LRRC7: variants seen among roughly 807,000 people sequenced by gnomAD.
The protein encoded by LRRC7 is leucine rich repeat containing 7, also known as leucine-rich repeat-containing protein 7.
A neutral mutation model predicts 175.7 loss-of-function variants in LRRC7; 23 were observed. The ratio of observed to expected loss-of-function variants is 0.13; its 90% CI spans 0.09 to 0.19. The LOEUF (loss-of-function observed/expected upper bound fraction) is 0.19. Ranked by LOEUF, LRRC7 falls within the 10% of genes least tolerant of loss-of-function variation. LRRC7 has a pLI of 1.00. For missense variants in LRRC7, 1,354 were observed against 1,904.7 expected (o/e 0.71, Z 5.38); for synonymous variants, 685 against 680.9 (o/e 1.01, Z -0.09).
At chr1:69,824,510 G>A (rs753040094) in intron 4 of LRRC7, among the ~76,000 whole-genome samples, 4 of 151,968 alleles carry the variant, frequency 2.6e-5, no homozygotes, top group Non-Finnish European at 4.4e-5. Context: ...TTTTAGGACC[G>A]CATGATTTCT....
At chr1:69,593,653 G>A (rs1646726340) in intron 1 of LRRC7, among the ~76,000 whole-genome samples, 1 of 152,094 alleles carries the variant, frequency 6.6e-6, no homozygotes, top group Non-Finnish European at 1.5e-5. Context: ...ACAAAACACA[G>A]CAGTTTTCAT....
At chr1:69,671,893 T>A (rs1278409983) in intron 1 of LRRC7, among the ~76,000 whole-genome samples, 2 of 152,158 alleles carry the variant, frequency 1.3e-5, no homozygotes, top group African/African-American at 4.8e-5. Context: ...GGCAGAGTAA[T>A]GTTTGCAATT....
chr1:70,097,697 T>A (rs1664513675), intron 25 of LRRC7, among the ~76,000 whole-genome samples: 1 of 150,018 alleles, frequency 6.7e-6, no homozygotes, highest in Non-Finnish European at 1.5e-5. Flanking sequence ...CACCTATGAG[T>A]GAGAATATGC....
intron 3 of LRRC7, among the ~76,000 whole-genome samples, chr1:69,765,039 G>C (rs1671476468): frequency 6.6e-6 from 1 of 151,892 alleles, no homozygotes; most frequent in Non-Finnish European, 1.5e-5. Context: ...ACATTCCCTG[G>C]TCCATAAAAT....
At chr1:69,622,693 T>C (rs2764531) in intron 1 of LRRC7, among the ~76,000 whole-genome samples, 150,923 of 152,282 alleles carry the variant, frequency 0.99, 74,800 homozygotes, top group Middle Eastern at 1. Flanking sequence ...GGAATTTTTA[T>C]GGGACTCAAG....
chr1:70,072,429 C>T (rs544818240), intron 23 of LRRC7, among the ~76,000 whole-genome samples: 13 of 152,310 alleles, frequency 8.5e-5, no homozygotes, highest in African/African-American at 2.9e-4. Flanking sequence ...TTCCTCTTTA[C>T]AGTCCTTCTG....
chr1:69,791,981 A>T, intron 3 of LRRC7, 62 bp from the exon 4 acceptor site: 1 of 1,088,190 alleles, frequency 9.2e-7, no homozygotes, highest in Non-Finnish European at 1.4e-6. Context: ...TAATTTTGTT[A>T]CTGAGTTTAT....
chr1:69,572,577 G>T (rs1187600794), intron 1 of LRRC7, among the ~76,000 whole-genome samples: 1 of 152,052 alleles, frequency 6.6e-6, no homozygotes, highest in Admixed American at 6.5e-5. Flanking sequence ...ATGTGACTCA[G>T]GTTTGAATCA....
At chr1:69,698,910 C>T (rs191201382) in intron 2 of LRRC7, among the ~76,000 whole-genome samples, 6 of 152,278 alleles carry the variant, frequency 3.9e-5, no homozygotes, top group Admixed American at 3.9e-4. Context: ...CTCACCTTCC[C>T]ATCTGTAACT....
At chr1:70,109,824 A>C (rs1472790791) in intron 26 of LRRC7, among the ~76,000 whole-genome samples, 1 of 152,132 alleles carries the variant, frequency 6.6e-6, no homozygotes, top group Non-Finnish European at 1.5e-5. Context: ...GAAATGGCTA[A>C]TTTTTTTCTC....
rs143930610 is a variant in LRRC7, at chr1:70,133,683, A to G, written c.*11796A>G. ...CTAAACCTCTCAGATTGTATCAATC[A>G]CCCAAAACCTAATGAGACAGAAACC... On this transcript the variant is annotated 3_prime_UTR_variant, in exon 27 of 27. Coordinates refer to ENST00000651989, the MANE Select transcript of LRRC7 (RefSeq NM_001370785.2). Among the ~76,000 whole-genome samples the G allele has an allele frequency of 6.6e-6, 1 of 152,328 alleles. No homozygotes were observed. Among genetic ancestry groups the G allele is most frequent in the Non-Finnish European group, 1.5e-5 (1 of 68,022 alleles).
intron 24 of LRRC7, among the ~76,000 whole-genome samples, chr1:70,078,257 A>C (rs1010179021): frequency 6.6e-6 from 1 of 152,220 alleles, no homozygotes; most frequent in Admixed American, 6.5e-5. Context: ...AAAGGCATTT[A>C]AACAACCAGT....
At chr1:69,601,373 C>G (rs1227814943) in intron 1 of LRRC7, among the ~76,000 whole-genome samples, 1 of 152,164 alleles carries the variant, frequency 6.6e-6, no homozygotes, top group Non-Finnish European at 1.5e-5. Flanking sequence ...TAGCCTCCCC[C>G]TTTTGCTTCT....
chr1:69,928,458 A>T (rs1397662881), intron 7 of LRRC7, among the ~76,000 whole-genome samples: 2 of 152,136 alleles, frequency 1.3e-5, no homozygotes, highest in Non-Finnish European at 2.9e-5. Flanking sequence ...GGTGGGCTCC[A>T]CTCAGTTTGA....
intron 7 of LRRC7, among the ~76,000 whole-genome samples, chr1:69,924,713 G>A (rs1335027540): frequency 6.6e-6 from 1 of 152,176 alleles, no homozygotes. Context: ...AGACAATGGG[G>A]TTTCCTAGAT....
intron 25 of LRRC7, among the ~76,000 whole-genome samples, chr1:70,105,495 C>G (rs922132839): frequency 6.6e-6 from 1 of 152,158 alleles, no homozygotes; most frequent in Non-Finnish European, 1.5e-5. Context: ...TTTGTCCACA[C>G]AAATATATAT....
intron 23 of LRRC7, among the ~76,000 whole-genome samples, chr1:70,070,132 T>C (rs898320674): frequency 6.6e-6 from 1 of 152,146 alleles, no homozygotes; most frequent in Non-Finnish European, 1.5e-5. Context: ...TAACTGGGAC[T>C]ACAGGCACGC....
At chr1:69,987,271 T>A (rs2101899378) in intron 10 of LRRC7, among the ~76,000 whole-genome samples, 1 of 152,288 alleles carries the variant, frequency 6.6e-6, no homozygotes, top group East Asian at 1.9e-4. Context: ...AAAAAGTTTA[T>A]ATGAGTAAAA....
At position 69,900,598 on chromosome 1, in the gene LRRC7, A is replaced by C. The variant is rs144890454; in HGVS notation, c.648-30909A>C. Among the ~76,000 whole-genome samples, 497 of 152,282 alleles carry C rather than the reference A, an allele frequency of 3.3e-3. 1 individual carries two copies. The highest frequency in any genetic ancestry group is 0.011 in the African/African-American group (448 of 41,558). ...TTCTTCTAAGGTGCCAAATCATAAT[A>C]AATATTCTCCTCAACAATTCTACCT... is the stretch of plus-strand genomic sequence containing the variant. On this transcript the variant is annotated intron_variant, in intron 7 of 26. Coordinates refer to ENST00000651989, the MANE Select transcript of LRRC7 (RefSeq NM_001370785.2).
Sources: gnomAD v4.1 joint callset for allele counts (sites outside exome capture counted in the v4.1 genomes callset) on GRCh38, gnomAD v4.1.1 for gene constraint, MANE v1.5 for transcripts, NCBI Gene and HGNC (gene_info 2026-07-23, HGNC 2026-07-21) for gene names.